The following TMEM108 variants were observed in gnomAD, a reference collection of about 807,000 sequenced individuals.
The protein encoded by TMEM108 is transmembrane protein 108.
Under a neutral mutation model 35.1 loss-of-function variants are expected in TMEM108, and 12 were observed. The observed-to-expected ratio is 0.34, with a 90% CI of 0.22 to 0.55. The LOEUF is 0.55. Among genes scored for constraint, TMEM108 ranks in the 20% least tolerant of loss-of-function variants. The pLI, the probability that TMEM108 is intolerant of heterozygous loss-of-function variation, is 0.89. For synonymous variants in TMEM108, 287 were observed against 308.6 expected, an observed-to-expected ratio of 0.93 and a Z score of 0.73; for missense variants, 680 against 753.3, an observed-to-expected ratio of 0.90 and a Z score of 1.14.
intron 2 of TMEM108, among the ~76,000 whole-genome samples, chr3:133,135,899 A>G (rs990572739): frequency 6.6e-6 from 1 of 152,160 alleles, no homozygotes; most frequent in Non-Finnish European, 1.5e-5. Flanking sequence ...TTTAATGTGT[A>G]GCATAAAACG....
intron 2 of TMEM108, among the ~76,000 whole-genome samples, chr3:133,174,846 G>C (rs1945187493): frequency 6.6e-6 from 1 of 152,158 alleles, no homozygotes; most frequent in Non-Finnish European, 1.5e-5. Context: ...GATGAGTTGA[G>C]AGAAGAAGGC....
At chr3:133,321,270 ACT>A (rs2107719395) in intron 3 of TMEM108, among the ~76,000 whole-genome samples, 1 of 152,276 alleles carries the variant, frequency 6.6e-6, no homozygotes, top group South Asian at 2.1e-4. Flanking sequence ...TCTTCAAGAG[ACT>A]CACCTAACAC....
chr3:133,307,999 A>G (rs2071068754), intron 3 of TMEM108, among the ~76,000 whole-genome samples: 2 of 152,124 alleles, frequency 1.3e-5, no homozygotes, highest in Non-Finnish European at 2.9e-5. Context: ...TGAGCATGGA[A>G]TCTTCTTCCA....
At chr3:133,339,837 T>C in intron 3 of TMEM108, among the ~76,000 whole-genome samples, 1 of 151,786 alleles carries the variant, frequency 6.6e-6, no homozygotes, top group East Asian at 1.9e-4. Flanking sequence ...ATAAACATTA[T>C]GCCTCCTGAA....
intron 3 of TMEM108, among the ~76,000 whole-genome samples, chr3:133,266,798 C>T (rs6809364): frequency 0.015 from 2,214 of 151,434 alleles, 52 homozygotes; most frequent in African/African-American, 0.051. Flanking sequence ...GGTGGCCGGG[C>T]GTGGTGGCTC....
intron 2 of TMEM108, among the ~76,000 whole-genome samples, chr3:133,178,954 A>T (rs1298344171): frequency 6.6e-6 from 1 of 152,108 alleles, no homozygotes; most frequent in Non-Finnish European, 1.5e-5. Context: ...AACTCAAACA[A>T]ATTTACAAGA....
chr3:133,043,017 C>T (rs1943292499), intron 1 of TMEM108, among the ~76,000 whole-genome samples: 2 of 152,216 alleles, frequency 1.3e-5, no homozygotes, highest in African/African-American at 4.8e-5. Context: ...TTCTTTTCTT[C>T]ACTGATTGAT....
In TMEM108 at chr3:133,395,966, G is replaced by T; in HGVS notation, c.1708G>T (p.Asp570Tyr). ...FCQETLFVGNDQVSEI is the reference protein window; with the variant it reads ...FCQETLFVGNYQVSEI ...TCAAGAAACACTGTTTGTGGGAAAC[G>T]ATCAAGTATCTGAGATCTAACTACA... Residue 570 changes from aspartate (D) to tyrosine (Y), a missense_variant, in exon 6 of 6, where the codon GAT (aspartate) becomes TAT (tyrosine). Around this residue, in one of 3 missense-constraint regions of TMEM108, gnomAD observed 105 missense variants for 150.7 expected, o/e 0.70. Transcript: ENST00000321871. The T allele has an allele frequency of 1.2e-6, 2 of 1,600,216 alleles. No homozygotes were observed. Among genetic ancestry groups the T allele is most frequent in the Non-Finnish European group, 1.7e-6 (2 of 1,173,812 alleles).
chr3:133,097,351 C>T (rs1468818923), intron 2 of TMEM108, among the ~76,000 whole-genome samples: 3 of 152,170 alleles, frequency 2.0e-5, no homozygotes, highest in African/African-American at 7.2e-5. Context: ...AACATAACTG[C>T]TTTCTAATGT....
At chr3:133,281,546 G>C (rs1015370607) in intron 3 of TMEM108, among the ~76,000 whole-genome samples, 1 of 152,208 alleles carries the variant, frequency 6.6e-6, no homozygotes, top group Non-Finnish European at 1.5e-5. Context: ...AACAAAAACT[G>C]TTACGTCACG....
chr3:133,381,613 T>C (rs1467063735), intron 4 of TMEM108, among the ~76,000 whole-genome samples: 1 of 152,122 alleles, frequency 6.6e-6, no homozygotes, highest in Admixed American at 6.5e-5. Flanking sequence ...ACACCGTAGG[T>C]CAATGTCGAT....
intron 3 of TMEM108, chr3:133,378,490 G>A (rs1021994527): frequency 8.1e-6 from 8 of 985,486 alleles, no homozygotes; most frequent in Non-Finnish European, 2.4e-6. Flanking sequence ...GAGGAGCCTA[G>A]CAGGGGCTGA....
At chr3:133,065,308 A>G (rs1687196848) in intron 2 of TMEM108, among the ~76,000 whole-genome samples, 1 of 152,102 alleles carries the variant, frequency 6.6e-6, no homozygotes, top group South Asian at 2.1e-4. Flanking sequence ...ACACACGCAC[A>G]TGCACACACA....
intron 3 of TMEM108, among the ~76,000 whole-genome samples, chr3:133,297,066 A>G (rs771108899): frequency 6.6e-6 from 1 of 152,220 alleles, no homozygotes; most frequent in Non-Finnish European, 1.5e-5. Flanking sequence ...GGTCCGAACA[A>G]TATCAGGCTA....
At chr3:133,095,115 G>T (rs1247234510) in intron 2 of TMEM108, among the ~76,000 whole-genome samples, 2 of 152,176 alleles carry the variant, frequency 1.3e-5, no homozygotes, top group African/African-American at 2.4e-5. Flanking sequence ...AATTAATGAA[G>T]AGATTGTTAA....
chr3:133,051,810 G>A (rs1943409586), intron 2 of TMEM108, among the ~76,000 whole-genome samples: 1 of 152,066 alleles, frequency 6.6e-6, no homozygotes, highest in African/African-American at 2.4e-5. Context: ...CTGACTATCT[G>A]GATGTAGGTA....
chr3:133,238,833 G>A (rs1946274822), intron 3 of TMEM108, among the ~76,000 whole-genome samples: 1 of 152,146 alleles, frequency 6.6e-6, no homozygotes. Flanking sequence ...AAAAATACGT[G>A]ACCTTTTAGA....
In TMEM108 at chr3:133,250,565, G is replaced by C. The variant is rs1334103059; in HGVS notation, c.40+21214G>C. On this transcript the variant is annotated intron_variant, in intron 3 of 5. Coordinates refer to ENST00000321871, the MANE Select transcript of TMEM108 (RefSeq NM_023943.4). Reference sequence around the variant, plus strand: ...TATGTGGATTTTCAACTGTGCAGGGGGTTTGCACCCCTAATTCCTGCATTG... The same window carrying C: ...TATGTGGATTTTCAACTGTGCAGGGCGTTTGCACCCCTAATTCCTGCATTG... 3.3e-5 allele frequency among the ~76,000 whole-genome samples: 5 copies of C among 152,268 alleles called. No homozygotes were observed. The South Asian group carries it at 1.0e-3, about 32-fold the overall frequency.
chr3:133,227,145 A>C (rs1359660812), intron 2 of TMEM108, among the ~76,000 whole-genome samples: 1 of 151,754 alleles, frequency 6.6e-6, no homozygotes, highest in African/African-American at 2.4e-5. Context: ...CAGGAAGAAA[A>C]TATGCGCAAG....
Sources: allele counts gnomAD v4.1 joint callset (sites outside exome capture counted in the v4.1 genomes callset), GRCh38; gene constraint gnomAD v4.1.1; regional missense constraint gnomAD v4.1.1; transcripts MANE v1.5; gene names NCBI Gene and HGNC (gene_info 2026-07-23, HGNC 2026-07-21).